MARCHF6: variants seen among roughly 807,000 people sequenced by gnomAD.
MARCHF6 encodes E3 ubiquitin-protein ligase MARCHF6.
Under a neutral mutation model 133.7 loss-of-function variants are expected in MARCHF6, and 31 were observed. That is an observed-to-expected ratio of 0.23 (90% confidence interval 0.17 to 0.31). MARCHF6 has a LOEUF of 0.31. Among genes scored for constraint, MARCHF6 ranks in the 10% least tolerant of loss-of-function variants. The pLI, the probability that MARCHF6 is intolerant of heterozygous loss-of-function variation, is 1.00. For synonymous variants in MARCHF6, 395 were observed against 402.5 expected, an observed-to-expected ratio of 0.98 and a Z score of 0.22; for missense variants, 723 against 1,121.6, an observed-to-expected ratio of 0.64 and a Z score of 5.08.
At chr5:10,377,009 C>T (rs1301212304) in intron 1 of MARCHF6, among the ~76,000 whole-genome samples, 1 of 152,100 alleles carries the variant, frequency 6.6e-6, no homozygotes, top group Non-Finnish European at 1.5e-5. Context: ...ACCAGGGTTC[C>T]CTAAGTGGAC....
chr5:10,379,752 C>G (rs111983527), intron 3 of MARCHF6, among the ~76,000 whole-genome samples: 1 of 152,084 alleles, frequency 6.6e-6, no homozygotes, highest in Non-Finnish European at 1.5e-5. Flanking sequence ...TGAGCCACCG[C>G]GCCCAGCAAG....
intron 1 of MARCHF6, among the ~76,000 whole-genome samples, chr5:10,357,577 A>G (rs1198210008): frequency 6.6e-6 from 1 of 152,180 alleles, no homozygotes; most frequent in African/African-American, 2.4e-5. Context: ...GAAATGAGTT[A>G]AAAGGATAGA....
chr5:10,368,264 A>G (rs566660559), intron 1 of MARCHF6, among the ~76,000 whole-genome samples: 1 of 152,346 alleles, frequency 6.6e-6, no homozygotes, highest in South Asian at 2.1e-4. Flanking sequence ...AAGATTCTGT[A>G]TAAAATAGGA....
At chr5:10,392,783 G>T (rs1737945464) in intron 7 of MARCHF6, among the ~76,000 whole-genome samples, 1 of 151,822 alleles carries the variant, frequency 6.6e-6, no homozygotes, top group Non-Finnish European at 1.5e-5. Flanking sequence ...CCAAGACAGG[G>T]TCTACCAGTC....
chr5:10,359,657 G>T (rs1313725046), intron 1 of MARCHF6, among the ~76,000 whole-genome samples: 1 of 152,112 alleles, frequency 6.6e-6, no homozygotes, highest in Non-Finnish European at 1.5e-5. Flanking sequence ...AAACTGTGAT[G>T]TTCACAGATC....
intron 1 of MARCHF6, among the ~76,000 whole-genome samples, chr5:10,357,342 A>G (rs1283690351): frequency 1.5e-5 from 2 of 136,224 alleles, no homozygotes; most frequent in Non-Finnish European, 3.1e-5. Context: ...GCTCAGTGAT[A>G]TAAAGCTGAG....
chr5:10,380,955 C>T (rs1456748672), intron 3 of MARCHF6, among the ~76,000 whole-genome samples: 1 of 149,564 alleles, frequency 6.7e-6, no homozygotes, highest in Non-Finnish European at 1.5e-5. Context: ...TGCTATTTGT[C>T]AGTTGTTTAT....
In MARCHF6 at chr5:10,435,936, C is replaced by T. The variant is rs1740639707; in HGVS notation, c.*2252C>T. The T allele has an allele frequency of 6.6e-6, 1 of 150,728 alleles. No homozygotes were observed. Among genetic ancestry groups the T allele is most frequent in the African/African-American group, 2.4e-5 (1 of 40,966 alleles). 9.3% of individuals were successfully genotyped at this position (150,728 alleles called of 1,614,324 possible). On this transcript the variant is annotated 3_prime_UTR_variant, in exon 26 of 26. Coordinates refer to ENST00000274140, the MANE Select transcript of MARCHF6 (RefSeq NM_005885.4). ...TTCACCATGTTGGCCAGGCTGGTCT[C>T]GGAACTCCTGACTGCAGGTGATCCG... is the stretch of plus-strand genomic sequence containing the variant.
chr5:10,413,024 G>C (rs1007541207), intron 19 of MARCHF6, among the ~76,000 whole-genome samples: 1 of 152,112 alleles, frequency 6.6e-6, no homozygotes, highest in Non-Finnish European at 1.5e-5. Context: ...GAATGGGCAG[G>C]AACCAGATAA....
rs1187741792 is a variant in MARCHF6, at chr5:10,415,642, C to T, written c.2121C>T (p.Phe707=). The change falls in exon 21 of 26, where the codon TTC becomes TTT. Residue 707 remains phenylalanine, a synonymous_variant. Coordinates refer to ENST00000274140, the MANE Select transcript of MARCHF6 (RefSeq NM_005885.4). ...AWMPQGRRVI[F]QKVKEWSLMI... is the part of the protein sequence containing the mutation. ...TGCCTCAGGGACGCAGAGTGATCTT[C>T]CAGAAGGTTAAAGAGTGGTCTCTCA... 6.2e-7 allele frequency: 1 copy of T among 1,614,022 alleles called. No individual in the cohort carries two copies. Among genetic ancestry groups the T allele is most frequent in the Non-Finnish European group, 8.5e-7 (1 of 1,179,974 alleles).
intron 1 of MARCHF6, among the ~76,000 whole-genome samples, chr5:10,370,259 C>T (rs1478097979): frequency 6.6e-6 from 1 of 151,520 alleles, no homozygotes; most frequent in Non-Finnish European, 1.5e-5. Flanking sequence ...CGCCATCATA[C>T]CCTGCTAATT....
chr5:10,367,762 C>CT (rs113081329), intron 1 of MARCHF6, among the ~76,000 whole-genome samples: 8,031 of 151,432 alleles, frequency 0.053, 708 homozygotes, highest in African/African-American at 0.18. Flanking sequence ...GGACTTGAAG[C>CT]TTTTTTTTAA....
chr5:10,430,243 T>C (rs1356174121), intron 25 of MARCHF6, among the ~76,000 whole-genome samples: 1 of 150,850 alleles, frequency 6.6e-6, no homozygotes, highest in East Asian at 1.9e-4. Context: ...TTGTCATTTA[T>C]GGAGCTGGAA....
At position 10,430,574 on chromosome 5, in the gene MARCHF6, G is replaced by A. The variant is rs372474716; in HGVS notation, c.2642+546G>A. 2.6e-5 allele frequency among the ~76,000 whole-genome samples: 4 copies of A among 152,294 alleles called. No individual in the cohort carries two copies. In the East Asian group the frequency reaches 5.8e-4, roughly 22 times the overall value. On this transcript the variant is annotated intron_variant, in intron 25 of 25. Transcript: ENST00000274140. Reference sequence around the variant, plus strand: ...CTGCCTTGGCCTCCCAAAGTGTTGGGATTACAGGTGTGAGCCACTGCACCC... The same window carrying A: ...CTGCCTTGGCCTCCCAAAGTGTTGGAATTACAGGTGTGAGCCACTGCACCC...
At chr5:10,427,161 A>G (rs980812949) in intron 24 of MARCHF6, among the ~76,000 whole-genome samples, 2 of 152,170 alleles carry the variant, frequency 1.3e-5, no homozygotes, top group East Asian at 1.9e-4. Context: ...CTGGTCTCCA[A>G]GTGTCCCATT....
chr5:10,362,890 A>G (rs1469498758), intron 1 of MARCHF6, among the ~76,000 whole-genome samples: 3 of 152,236 alleles, frequency 2.0e-5, no homozygotes, highest in East Asian at 1.9e-4. Context: ...CCACACATAC[A>G]TGGACAGTTG....
In MARCHF6 at chr5:10,428,337, T is replaced by G. The variant is rs1473027445; in HGVS notation, c.2507-1556T>G. On this transcript the variant is annotated intron_variant, in intron 24 of 25. Coordinates refer to ENST00000274140, the MANE Select transcript of MARCHF6 (RefSeq NM_005885.4). ...CAAAGCCCATTGCTTTTTAGTTTTT[T>G]TTTTTTTTTTTTTTTTTTTTGAGAG... Among the ~76,000 whole-genome samples, 6 of 137,878 alleles carry G rather than the reference T, an allele frequency of 4.4e-5. No individual in the cohort carries two copies. The East Asian group carries it at 1.0e-3, about 24-fold the overall frequency. 90.5% of individuals were successfully genotyped at this position (137,878 alleles called of 152,430 possible). A position where few individuals can be genotyped will look rare whatever the true frequency, so the allele number is the denominator to read the frequency against.
intron 3 of MARCHF6, among the ~76,000 whole-genome samples, chr5:10,381,491 A>G (rs990125725): frequency 1.3e-5 from 2 of 152,204 alleles, no homozygotes; most frequent in Non-Finnish European, 2.9e-5. Flanking sequence ...TATTGGTTGA[A>G]TGTTAAAATG....
At chr5:10,381,766 C>G (rs373986006) in intron 3 of MARCHF6, 34 bp from the exon 4 acceptor site, 340 of 1,530,540 alleles carry the variant, frequency 2.2e-4, no homozygotes, top group Non-Finnish European at 2.9e-4. Flanking sequence ...TTCGAATCTT[C>G]ATGAAACTGT....
Sources: allele counts gnomAD v4.1 joint callset (sites outside exome capture counted in the v4.1 genomes callset), GRCh38; gene constraint gnomAD v4.1.1; transcripts MANE v1.5; gene names NCBI Gene and HGNC (gene_info 2026-07-23, HGNC 2026-07-21).